The following HIP1 variants were observed in gnomAD, a reference collection of about 807,000 sequenced individuals.
HIP1 encodes the protein huntingtin-interacting protein 1.
HIP1 carries 65 observed loss-of-function variants against 147.6 expected under a neutral mutation model. That is an observed-to-expected ratio of 0.44 (90% CI 0.36 to 0.54). HIP1 has a LOEUF of 0.54. Among genes scored for constraint, HIP1 ranks in the 20% least tolerant of loss-of-function variants. HIP1 has a pLI of 0.00. For missense variants in HIP1, 1,061 were observed against 1,299.6 expected (o/e 0.82, Z 2.82); for synonymous variants, 479 against 504.0 (o/e 0.95, Z 0.67).
rs587643524 is a variant in HIP1 at position 75,552,102 on chromosome 7, G to T, written c.2295+1351C>A. Among the ~76,000 whole-genome samples, 12 of 152,162 alleles carry T rather than the reference G, an allele frequency of 7.9e-5. No individual in the cohort carries two copies. The South Asian group carries it at 1.5e-3, about 18-fold the overall frequency. On this transcript the variant is annotated intron_variant, in intron 22 of 30. Coordinates refer to ENST00000336926, the MANE Select transcript of HIP1 (RefSeq NM_005338.7). ...GATGGGGTTTTGCCATGTTGGCCAG[G>T]CTGGTCTAGAACTCCTGACCTCAGG...
intron 1 of HIP1, among the ~76,000 whole-genome samples, chr7:75,720,100 C>A (rs1801453445): frequency 6.6e-6 from 1 of 152,046 alleles, no homozygotes; most frequent in South Asian, 2.1e-4. Context: ...CTCTGGCAAA[C>A]CAATGTGTTT....
chr7:75,581,437 G>C, intron 6 of HIP1, 139 bp from the exon 7 acceptor site: 1 of 660,788 alleles, frequency 1.5e-6, no homozygotes, highest in Non-Finnish European at 2.7e-6. Flanking sequence ...CCAGCTCCAA[G>C]TCTTAGCCTT....
At chr7:75,594,737 G>A (rs1359143759) in intron 2 of HIP1, among the ~76,000 whole-genome samples, 1 of 152,144 alleles carries the variant, frequency 6.6e-6, no homozygotes, top group Non-Finnish European at 1.5e-5. Context: ...TTGCACCACT[G>A]CACTCCAGCC....
chr7:75,663,024 C>A (rs1170076700), intron 1 of HIP1, among the ~76,000 whole-genome samples: 2 of 152,146 alleles, frequency 1.3e-5, no homozygotes, highest in Non-Finnish European at 2.9e-5. Flanking sequence ...CTGCTGCAAG[C>A]CACAGTTGCC....
At chr7:75,684,208 A>C (rs1274870927) in intron 1 of HIP1, among the ~76,000 whole-genome samples, 2 of 152,102 alleles carry the variant, frequency 1.3e-5, no homozygotes, top group African/African-American at 4.8e-5. Context: ...GCACTTTGGG[A>C]GGCCAAGGTA....
intron 1 of HIP1, among the ~76,000 whole-genome samples, chr7:75,727,096 TTTAAA>T (rs1234266122): frequency 6.6e-6 from 1 of 152,126 alleles, no homozygotes; most frequent in Non-Finnish European, 1.5e-5. Context: ...CTTATTTTTT[TTTAAA>T]TTAAGTTTGT....
chr7:75,620,123 G>A (rs1329978456), intron 1 of HIP1, among the ~76,000 whole-genome samples: 1 of 152,204 alleles, frequency 6.6e-6, no homozygotes, highest in Non-Finnish European at 1.5e-5. Context: ...GGTGGCTCAT[G>A]CCTGTAATCC....
chr7:75,548,766 T>A, intron 23 of HIP1, 125 bp downstream of exon 23: 1 of 750,048 alleles, frequency 1.3e-6, no homozygotes, highest in African/African-American at 1.7e-5. Context: ...GCCTGGCAAA[T>A]TCTGGTTTCT....
At chr7:75,724,804 C>T (rs1020067190) in intron 1 of HIP1, among the ~76,000 whole-genome samples, 1 of 152,286 alleles carries the variant, frequency 6.6e-6, no homozygotes, top group African/African-American at 2.4e-5. Flanking sequence ...GTCTGGCTAA[C>T]AACAGGGCTC....
intron 22 of HIP1, among the ~76,000 whole-genome samples, chr7:75,549,206 T>C (rs1794686534): frequency 6.6e-6 from 1 of 151,920 alleles, no homozygotes; most frequent in African/African-American, 2.4e-5. Flanking sequence ...TCCTCCTCAC[T>C]CAGGATCCAC....
intron 1 of HIP1, among the ~76,000 whole-genome samples, chr7:75,648,250 C>G (rs925072237): frequency 6.6e-6 from 1 of 151,706 alleles, no homozygotes; most frequent in South Asian, 2.1e-4. Flanking sequence ...GTAGCTGAAG[C>G]TGGTTGGAGT....
chr7:75,561,503 G>A, intron 12 of HIP1, 102 bp from the exon 13 acceptor site: 3 of 792,902 alleles, frequency 3.8e-6, no homozygotes, highest in South Asian at 1.4e-5. Flanking sequence ...ATTAATTTGG[G>A]GACAATTCTT....
intron 1 of HIP1, chr7:75,639,071 C>A: frequency 1.0e-6 from 1 of 984,738 alleles, no homozygotes; most frequent in Non-Finnish European, 1.2e-6. Flanking sequence ...ACATCCATGA[C>A]CGAGGCTGCG....
At chr7:75,555,585 T>C (rs1284641667) in intron 18 of HIP1, 34 bp from the exon 19 acceptor site, 1 of 1,612,774 alleles carries the variant, frequency 6.2e-7, no homozygotes. Flanking sequence ...GAGTCTGCCC[T>C]AGACTCCATA....
intron 1 of HIP1, among the ~76,000 whole-genome samples, chr7:75,657,619 A>C (rs1554512907): frequency 5.3e-5 from 8 of 152,106 alleles, no homozygotes; most frequent in Non-Finnish European, 1.2e-4. Flanking sequence ...TATTTTCCTA[A>C]GTGCATTAAA....
intron 1 of HIP1, among the ~76,000 whole-genome samples, chr7:75,599,451 G>A (rs1775165542): frequency 6.6e-6 from 1 of 152,212 alleles, no homozygotes; most frequent in African/African-American, 2.4e-5. Context: ...GCCGTCCTGA[G>A]GGAGTGGGCA....
In HIP1 at chr7:75,688,043, C is replaced by T. The variant is rs528753655; in HGVS notation, c.120+50758G>A. ...CCCCAACTAGAAAGAGGCCTCCTGT[C>T]CCCCTGAAGGCCACTTACCATCCCC... is the stretch of plus-strand genomic sequence containing the variant. On this transcript the variant is annotated intron_variant, in intron 1 of 30. Coordinates refer to ENST00000336926, the MANE Select transcript of HIP1 (RefSeq NM_005338.7). Among the ~76,000 whole-genome samples the T allele has an allele frequency of 2.0e-5, 3 of 152,242 alleles. No homozygotes were observed. In the South Asian group the frequency reaches 6.2e-4, roughly 32 times the overall value.
At chr7:75,550,474 C>A (rs781911175) in intron 22 of HIP1, among the ~76,000 whole-genome samples, 1 of 152,024 alleles carries the variant, frequency 6.6e-6, no homozygotes, top group Non-Finnish European at 1.5e-5. Context: ...TGCAGTGGTG[C>A]GATCATAGCT....
At position 75,565,863 on chromosome 7, in the gene HIP1, C is replaced by A. The variant is rs1795384410; in HGVS notation, c.803+2336G>T. 1.3e-5 allele frequency among the ~76,000 whole-genome samples: 2 copies of A among 151,424 alleles called. 1 individual carries two copies. Among genetic ancestry groups the A allele is most frequent in the African/African-American group, 4.9e-5 (2 of 40,920 alleles). ...TCTCCTGCCTCAGCCTCCTGAGTAGCTGGGATTACAGGGCTAATTTTTGTA... is the reference window on the plus strand; with the variant it reads ...TCTCCTGCCTCAGCCTCCTGAGTAGATGGGATTACAGGGCTAATTTTTGTA... On this transcript the variant is annotated intron_variant, in intron 9 of 30. Transcript: ENST00000336926.
Sources: gnomAD v4.1 joint callset for allele counts (sites outside exome capture counted in the v4.1 genomes callset) on GRCh38, gnomAD v4.1.1 for gene constraint, MANE v1.5 for transcripts, NCBI Gene and HGNC (gene_info 2026-07-23, HGNC 2026-07-21) for gene names.